Variants in TLL1 observed in about 807,000 individuals in gnomAD.
TLL1 encodes the protein tolloid-like protein 1.
TLL1 carries 49 observed loss-of-function variants against 128.2 expected under a neutral mutation model. That is an observed-to-expected ratio of 0.38 (90% CI 0.30 to 0.48). TLL1 has a LOEUF of 0.48. Ranked by LOEUF, TLL1 falls within the 20% of genes least tolerant of loss-of-function variation. The pLI, the probability that TLL1 is intolerant of heterozygous loss-of-function variation, is 0.96. For missense variants in TLL1, 1,123 were observed against 1,242.0 expected (o/e 0.90, Z 1.44); for synonymous variants, 454 against 418.8 (o/e 1.08, Z -1.03).
chr4:166,069,221 A>C (rs1252215838), intron 16 of TLL1, among the ~76,000 whole-genome samples: 1 of 151,738 alleles, frequency 6.6e-6, no homozygotes, highest in Non-Finnish European at 1.5e-5. Context: ...CAATCTAATA[A>C]AGATGTTAAT....
intron 18 of TLL1, among the ~76,000 whole-genome samples, chr4:166,084,149 C>A (rs368807418): frequency 1.1e-3 from 173 of 152,228 alleles, no homozygotes; most frequent in African/African-American, 4.0e-3. Flanking sequence ...TGATGTTGAG[C>A]ATTTTTTCAA....
chr4:166,075,126 C>A, intron 17 of TLL1, 123 bp downstream of exon 17: 1 of 1,351,322 alleles, frequency 7.4e-7, no homozygotes, highest in Non-Finnish European at 1.0e-6. Context: ...ATCCAAATGT[C>A]AAAAAACAAA....
chr4:165,975,874 C>T (rs1161384597), intron 1 of TLL1, among the ~76,000 whole-genome samples: 1 of 151,606 alleles, frequency 6.6e-6, no homozygotes, highest in Non-Finnish European at 1.5e-5. Context: ...CCCGTCTCTA[C>T]TAAAAATACA....
In TLL1 at chr4:166,045,756, A is replaced by G. The variant is rs192706153; in HGVS notation, c.1524+2337A>G. On this transcript the variant is annotated intron_variant, in intron 12 of 20. Coordinates refer to ENST00000061240, the MANE Select transcript of TLL1 (RefSeq NM_012464.5). Reference sequence around the variant, plus strand: ...TCGTCTCGCCCTCTTTCTCTTTCTCAGAAACACCAACCTCACTCCCACATC... The same window carrying G: ...TCGTCTCGCCCTCTTTCTCTTTCTCGGAAACACCAACCTCACTCCCACATC... Among the ~76,000 whole-genome samples, 21 of 152,134 alleles carry G rather than the reference A, an allele frequency of 1.4e-4. No individual in the cohort carries two copies. In the East Asian group the frequency reaches 3.9e-3, roughly 28 times the overall value.
At chr4:165,917,831 A>G (rs1234287812) in intron 1 of TLL1, among the ~76,000 whole-genome samples, 1 of 152,162 alleles carries the variant, frequency 6.6e-6, no homozygotes, top group Non-Finnish European at 1.5e-5. Flanking sequence ...CCTCCCTAGA[A>G]TCCAAAATGT....
intron 1 of TLL1, among the ~76,000 whole-genome samples, chr4:165,969,663 A>G (rs185141945): frequency 6.6e-6 from 1 of 152,254 alleles, no homozygotes; most frequent in Non-Finnish European, 1.5e-5. Flanking sequence ...TTTTAGGGAT[A>G]ACCTAACACA....
intron 1 of TLL1, among the ~76,000 whole-genome samples, chr4:165,875,551 T>A (rs1730688658): frequency 6.6e-6 from 1 of 152,218 alleles, no homozygotes; most frequent in Non-Finnish European, 1.5e-5. Context: ...CTGTATCTAT[T>A]TTCCCACTGA....
intron 16 of TLL1, among the ~76,000 whole-genome samples, chr4:166,067,666 G>A (rs570508912): frequency 6.6e-6 from 1 of 151,750 alleles, no homozygotes; most frequent in Non-Finnish European, 1.5e-5. Flanking sequence ...ATTTATCAGT[G>A]CACTTAAAAT....
At chr4:166,018,056 A>C (rs1738033981) in intron 8 of TLL1, among the ~76,000 whole-genome samples, 1 of 152,166 alleles carries the variant, frequency 6.6e-6, no homozygotes, top group Non-Finnish European at 1.5e-5. Context: ...AAGAGTTTAT[A>C]AATTGAGTTC....
chr4:165,903,540 G>A (rs1040880376), intron 1 of TLL1, among the ~76,000 whole-genome samples: 2 of 150,566 alleles, frequency 1.3e-5, no homozygotes, highest in Non-Finnish European at 3.0e-5. Context: ...AGCCACTTGA[G>A]TAGCTGGGAC....
intron 1 of TLL1, among the ~76,000 whole-genome samples, chr4:165,913,479 T>C (rs1732637298): frequency 6.6e-6 from 1 of 152,150 alleles, no homozygotes; most frequent in African/African-American, 2.4e-5. Context: ...ACTTGAGAAA[T>C]TCAGGGCAAA....
intron 1 of TLL1, among the ~76,000 whole-genome samples, chr4:165,979,569 T>C (rs976619656): frequency 3.9e-5 from 6 of 151,982 alleles, no homozygotes; most frequent in African/African-American, 1.5e-4. Context: ...GAACATGGGG[T>C]CATGGTAATT....
At chr4:166,098,279 G>A (rs898665895) in intron 19 of TLL1, among the ~76,000 whole-genome samples, 29 of 136,374 alleles carry the variant, frequency 2.1e-4, no homozygotes, top group Admixed American at 1.0e-3. Flanking sequence ...AGGTTGCAGA[G>A]ACCTGAGATC....
At position 166,099,445 on chromosome 4, in the gene TLL1, C is replaced by T. The variant is rs1322409357; in HGVS notation, c.2825C>T (p.Ala942Val). 1 of 1,613,338 alleles carries T rather than the reference C, an allele frequency of 6.2e-7. No homozygotes were observed. The highest frequency in any genetic ancestry group is 8.5e-7 in the Non-Finnish European group (1 of 1,179,648). The part of the protein sequence containing the change: ...SFQTFEVEEE[A>V]DCGYDYVELF... ...CAGACATTTGAAGTGGAGGAAGAAGCAGACTGTGGCTATGACTATGTGGAG... is the reference window on the plus strand; with the variant it reads ...CAGACATTTGAAGTGGAGGAAGAAGTAGACTGTGGCTATGACTATGTGGAG... Residue 942 changes from alanine to valine, a missense_variant, in exon 20 of 21, where the codon GCA (alanine) becomes GTA (valine). Transcript: ENST00000061240.
chr4:166,058,333 T>A (rs1260001748), intron 14 of TLL1, among the ~76,000 whole-genome samples: 1 of 152,196 alleles, frequency 6.6e-6, no homozygotes, highest in Non-Finnish European at 1.5e-5. Flanking sequence ...TCTTTAGGTA[T>A]ATCTCCCTTA....
At chr4:165,904,175 T>G (rs1231537521) in intron 1 of TLL1, among the ~76,000 whole-genome samples, 1 of 152,166 alleles carries the variant, frequency 6.6e-6, no homozygotes, top group Non-Finnish European at 1.5e-5. Flanking sequence ...CCATGAAATG[T>G]TTCCTAGAAA....
chr4:165,929,374 T>G (rs1297259205), intron 1 of TLL1, among the ~76,000 whole-genome samples: 1 of 152,068 alleles, frequency 6.6e-6, no homozygotes, highest in Non-Finnish European at 1.5e-5. Flanking sequence ...TCGTCTTTAC[T>G]GAAAATACAA....
At position 166,103,850 on chromosome 4, in the gene TLL1, A is replaced by AAC. The variant is rs1050490715; in HGVS notation, c.*2975_*2976insCA. 7 of 151,504 alleles carry AAC rather than the reference A, an allele frequency of 4.6e-5. No individual in the cohort carries two copies. Among genetic ancestry groups the AAC allele is most frequent in the African/African-American group, 1.5e-4 (6 of 41,316 alleles). 9.4% of individuals were successfully genotyped at this position (151,504 alleles called of 1,614,324 possible). On this transcript the variant is annotated 3_prime_UTR_variant, in exon 21 of 21. Transcript: ENST00000061240. ...TAACTGACTATACATAGAAAAAAAA[A>AAC]AAAACACTGTTCTCACTTGATTTTA...
chr4:165,992,689 C>T lies in TLL1; in HGVS notation c.281-115C>T, dbSNP rs72974312. ...TTCATGGATATTCATAATTTCAACA[C>T]TTTAAGACCACATAAAAAATGACCA... On this transcript the variant is annotated intron_variant, in intron 2 of 20. Coordinates refer to ENST00000061240, the MANE Select transcript of TLL1 (RefSeq NM_012464.5). 0.014 allele frequency: 13,382 copies of T among 953,148 alleles called. 1,141 individuals are homozygous for T. In the African/African-American group the frequency reaches 0.19, roughly 13 times the overall value. 59.0% of individuals were successfully genotyped at this position (953,148 alleles called of 1,614,324 possible). A position where few individuals can be genotyped will look rare whatever the true frequency, so the allele number is the denominator to read the frequency against.
Sources: allele counts gnomAD v4.1 joint callset (sites outside exome capture counted in the v4.1 genomes callset), GRCh38; gene constraint gnomAD v4.1.1; transcripts MANE v1.5; gene names NCBI Gene and HGNC (gene_info 2026-07-23, HGNC 2026-07-21).